Variants in UTS2 observed in about 807,000 individuals in gnomAD.
The protein encoded by UTS2 is urotensin 2.
Under a neutral mutation model 12.6 loss-of-function variants are expected in UTS2, and 10 were observed. That is an observed-to-expected ratio of 0.80 (90% CI 0.49 to 1.35). The LOEUF is 1.35. Among genes scored for constraint, UTS2 ranks in the 40% most tolerant of loss-of-function variants. The pLI, the probability that UTS2 is intolerant of heterozygous loss-of-function variation, is 0.00. For synonymous variants in UTS2, 52 were observed against 50.0 expected (o/e 1.04, Z -0.17); for missense variants, 142 against 143.2 (o/e 0.99, Z 0.04).
At chr1:7,850,643 G>A (rs1017983079) in intron 2 of UTS2, among the ~76,000 whole-genome samples, 169 bp downstream of exon 2, 4 of 152,166 alleles carry the variant, frequency 2.6e-5, no homozygotes, top group African/African-American at 9.6e-5. Context: ...AGGAGCTGCT[G>A]GGGAAAAGAA....
At chr1:7,850,282 T>G (rs1051979247) in intron 2 of UTS2, among the ~76,000 whole-genome samples, 6 of 152,134 alleles carry the variant, frequency 3.9e-5, no homozygotes, top group African/African-American at 1.4e-4. Context: ...AGGCTCAATT[T>G]TGTTTCCAGA....
At chr1:7,871,082 C>T in the UTS2 span, among the ~76,000 whole-genome samples, 2 of 152,242 alleles carry the variant, frequency 1.3e-5, no homozygotes, top group Non-Finnish European at 2.9e-5. Flanking sequence ...GGCAGAAAAG[C>T]AGCCATCACT....
chr1:7,867,113 G>T, the UTS2 span, among the ~76,000 whole-genome samples: 1 of 152,022 alleles, frequency 6.6e-6, no homozygotes, highest in Non-Finnish European at 1.5e-5. Context: ...CAGGTGATCC[G>T]CCCGCCTCGG....
At chr1:7,895,283 C>A in the UTS2 span, among the ~76,000 whole-genome samples, 1 of 152,028 alleles carries the variant, frequency 6.6e-6, no homozygotes, top group Non-Finnish European at 1.5e-5. Context: ...GCAGGAGAAT[C>A]CCTTGAACCC....
chr1:7,854,145 A>T (rs1056736508), upstream of UTS2, among the ~76,000 whole-genome samples: 1 of 152,036 alleles, frequency 6.6e-6, no homozygotes, highest in Admixed American at 6.6e-5. Context: ...GGAGTTTGAG[A>T]CCAGCCTGAC....
the UTS2 span, among the ~76,000 whole-genome samples, chr1:7,890,967 A>ACCCCCC: frequency 5.9e-5 from 8 of 135,854 alleles, no homozygotes; most frequent in East Asian, 4.1e-4. Flanking sequence ...GATACCCTCC[A>ACCCCCC]CCCCCCCCCA....
At chr1:7,857,150 C>T (rs1330312342), upstream of UTS2, among the ~76,000 whole-genome samples, 1 of 16,992 alleles carries the variant, frequency 5.9e-5, no homozygotes, top group East Asian at 3.9e-3. Flanking sequence ...GAAGGTGAAG[C>T]ATGTTGGAAA....
At chr1:7,888,843 A>T in the UTS2 span, among the ~76,000 whole-genome samples, 1 of 152,162 alleles carries the variant, frequency 6.6e-6, no homozygotes, top group African/African-American at 2.4e-5. Context: ...TGTCTTGTGG[A>T]TGTGAGTAGA....
the UTS2 span, among the ~76,000 whole-genome samples, chr1:7,907,178 C>A: frequency 2.0e-5 from 3 of 152,000 alleles, no homozygotes; most frequent in South Asian, 6.2e-4. Context: ...ATTGCTTGAA[C>A]CTGGGAGGTG....
chr1:7,905,353 C>T, the UTS2 span, among the ~76,000 whole-genome samples: 3 of 151,918 alleles, frequency 2.0e-5, no homozygotes, highest in Non-Finnish European at 4.4e-5. Context: ...CCATGTTGGT[C>T]AGGCTGGTCT....
the UTS2 span, among the ~76,000 whole-genome samples, chr1:7,904,937 A>T: frequency 6.6e-6 from 1 of 150,804 alleles, no homozygotes; most frequent in African/African-American, 2.4e-5. Context: ...CCCACATAGA[A>T]AGGGGACTTA....
chr1:7,854,986 C>T (rs1472517201), upstream of UTS2, among the ~76,000 whole-genome samples: 2 of 151,964 alleles, frequency 1.3e-5, no homozygotes, highest in Non-Finnish European at 2.9e-5. Context: ...TGTGGTGAAA[C>T]CCTGTCTCCA....
the UTS2 span, among the ~76,000 whole-genome samples, chr1:7,892,496 G>C: frequency 2.3e-5 from 2 of 87,672 alleles, no homozygotes; most frequent in South Asian, 8.9e-4. Context: ...TTTTTTTTGA[G>C]ACGGAGTGTC....
chr1:7,909,406 A>G, the UTS2 span, among the ~76,000 whole-genome samples: 1 of 151,828 alleles, frequency 6.6e-6, no homozygotes, highest in Non-Finnish European at 1.5e-5. Flanking sequence ...TTAGCCAGGC[A>G]TGGTAGTGCA....
the UTS2 span, among the ~76,000 whole-genome samples, chr1:7,894,472 C>T: frequency 6.6e-6 from 1 of 152,122 alleles, no homozygotes; most frequent in Non-Finnish European, 1.5e-5. Context: ...CCGTGCCCGA[C>T]CTCTTCTCTG....
upstream of UTS2, among the ~76,000 whole-genome samples, chr1:7,858,233 A>T (rs1450047597): frequency 6.6e-6 from 1 of 152,248 alleles, no homozygotes; most frequent in Non-Finnish European, 1.5e-5. Flanking sequence ...ACCTTGTCCC[A>T]GAAATGTACT....
chr1:7,894,927 T>C, the UTS2 span, among the ~76,000 whole-genome samples: 1 of 151,976 alleles, frequency 6.6e-6, no homozygotes, highest in Non-Finnish European at 1.5e-5. Flanking sequence ...CAAGACCCTG[T>C]CTCAAACAAA....
At chr1:7,890,443 G>A in the UTS2 span, among the ~76,000 whole-genome samples, 1 of 152,060 alleles carries the variant, frequency 6.6e-6, no homozygotes, top group Non-Finnish European at 1.5e-5. Context: ...AATTTAGGAA[G>A]CCCTATAATA....
the UTS2 span, among the ~76,000 whole-genome samples, chr1:7,906,420 A>AAAGG: frequency 6.8e-6 from 1 of 146,296 alleles, no homozygotes; most frequent in East Asian, 2.0e-4. Context: ...GAAAGAAAAG[A>AAAGG]AAGAAAGGAA....
Sources: allele counts gnomAD v4.1 joint callset (sites outside exome capture counted in the v4.1 genomes callset), GRCh38; gene constraint gnomAD v4.1.1; transcripts MANE v1.5; gene names NCBI Gene and HGNC (gene_info 2026-07-23, HGNC 2026-07-21).